The following UBE2V2 variants were observed in gnomAD, a reference collection of about 807,000 sequenced individuals.
UBE2V2 encodes ubiquitin-conjugating enzyme E2 variant 2.
UBE2V2 carries 9 observed loss-of-function variants against 17.2 expected under a neutral mutation model. The ratio of observed to expected loss-of-function variants is 0.52; its 90% CI spans 0.32 to 0.91. The LOEUF is 0.91. Ranked by LOEUF, UBE2V2 falls within the 40% of genes least tolerant of loss-of-function variation. The probability of loss-of-function intolerance (pLI) is 0.04; values close to 1 mark genes in which losing one functional copy is unlikely to be tolerated. For synonymous variants in UBE2V2, 61 were observed against 57.5 expected, an observed-to-expected ratio of 1.06 and a Z score of -0.28; for missense variants, 133 against 182.6, an observed-to-expected ratio of 0.73 and a Z score of 1.56.
chr8:48,011,210 C>T (rs188143968), intron 1 of UBE2V2, among the ~76,000 whole-genome samples: 21 of 152,236 alleles, frequency 1.4e-4, no homozygotes, highest in Non-Finnish European at 3.1e-4. Context: ...CCTTGTTGCT[C>T]AGGCTGGAGT....
At chr8:48,030,720 CAAAA>C (rs1415880846) in intron 1 of UBE2V2, among the ~76,000 whole-genome samples, 1 of 151,022 alleles carries the variant, frequency 6.6e-6, no homozygotes, top group Non-Finnish European at 1.5e-5. Context: ...GTCTCAAAAA[CAAAA>C]AACAAAACAA....
intron 1 of UBE2V2, among the ~76,000 whole-genome samples, chr8:48,013,816 A>G (rs996003092): frequency 2.6e-5 from 4 of 152,194 alleles, no homozygotes; most frequent in African/African-American, 4.8e-5. Context: ...GTAGCATTGT[A>G]TATACTGGAA....
intron 1 of UBE2V2, among the ~76,000 whole-genome samples, chr8:48,010,204 T>G (rs1448087159): frequency 6.6e-6 from 1 of 151,926 alleles, no homozygotes; most frequent in Non-Finnish European, 1.5e-5. Context: ...AGATTACTGA[T>G]AAATTATTAG....
intron 1 of UBE2V2, among the ~76,000 whole-genome samples, chr8:48,017,094 T>C (rs1257949471): frequency 6.6e-6 from 1 of 151,950 alleles, no homozygotes; most frequent in Non-Finnish European, 1.5e-5. Flanking sequence ...CTTGGCCTCA[T>C]CTTTCATCCT....
the UBE2V2 span, among the ~76,000 whole-genome samples, chr8:48,001,307 C>G: frequency 6.6e-6 from 1 of 152,114 alleles, no homozygotes; most frequent in Non-Finnish European, 1.5e-5. Flanking sequence ...GCCTCCTGAC[C>G]AAACCTACTA....
At chr8:48,046,709 A>C (rs1275139056) in intron 2 of UBE2V2, among the ~76,000 whole-genome samples, 1 of 151,746 alleles carries the variant, frequency 6.6e-6, no homozygotes, top group Non-Finnish European at 1.5e-5. Flanking sequence ...CAATCCTCCC[A>C]CCTTAGCCTT....
At chr8:48,057,724 C>T (rs1441588940) in intron 3 of UBE2V2, among the ~76,000 whole-genome samples, 2 of 151,934 alleles carry the variant, frequency 1.3e-5, no homozygotes, top group East Asian at 1.9e-4. Context: ...TTTCAGTGCA[C>T]AAGTTTTACA....
intron 1 of UBE2V2, among the ~76,000 whole-genome samples, chr8:48,016,383 A>G (rs1314911816): frequency 6.6e-6 from 1 of 152,114 alleles, no homozygotes. Context: ...GAGGAACTCC[A>G]TACTCTTCTT....
At chr8:48,035,309 C>T (rs972961471) in intron 1 of UBE2V2, among the ~76,000 whole-genome samples, 14 of 151,554 alleles carry the variant, frequency 9.2e-5, no homozygotes, top group Middle Eastern at 3.4e-3. Flanking sequence ...TTAGTAGAGA[C>T]GGGGTTTCAC....
chr8:48,055,823 G>GGCA (rs1435808800), intron 3 of UBE2V2, among the ~76,000 whole-genome samples: 5 of 149,496 alleles, frequency 3.3e-5, no homozygotes, highest in Non-Finnish European at 7.4e-5. Context: ...GGAGTGCAAT[G>GGCA]GCTTGGCTCA....
chr8:48,008,729 C>T (rs868575117), intron 1 of UBE2V2, among the ~76,000 whole-genome samples: 33 of 151,040 alleles, frequency 2.2e-4, no homozygotes, highest in Middle Eastern at 6.8e-3. Context: ...GCGGGCGCCC[C>T]CGTAGGTTCC....
chr8:48,004,137 T>C (rs998216492), upstream of UBE2V2, among the ~76,000 whole-genome samples: 1 of 152,152 alleles, frequency 6.6e-6, no homozygotes, highest in Admixed American at 6.6e-5. Context: ...CTTCAGATAA[T>C]CATTACTGGC....
Position 48,009,945 on chromosome 8 carries a change from C to T in UBE2V2, c.16+1475C>T, listed in dbSNP as rs920287453. 2.6e-5 allele frequency among the ~76,000 whole-genome samples: 4 copies of T among 152,180 alleles called. No individual in the cohort carries two copies. In the South Asian group the frequency reaches 8.3e-4, roughly 32 times the overall value. On this transcript the variant is annotated intron_variant, in intron 1 of 3. Coordinates refer to ENST00000523111, the MANE Select transcript of UBE2V2 (RefSeq NM_003350.3). ...TCTAATCTGTGCTCGTTAACGGGGC[C>T]ATATCTTTATAACAGTTGTGCTTAG...
At chr8:48,033,660 CT>C (rs2091399999) in intron 1 of UBE2V2, among the ~76,000 whole-genome samples, 3 of 151,956 alleles carry the variant, frequency 2.0e-5, no homozygotes, top group African/African-American at 7.2e-5. Flanking sequence ...ATAGCAAACT[CT>C]TATTAAAAGT....
intron 1 of UBE2V2, among the ~76,000 whole-genome samples, chr8:48,031,226 C>G (rs2091380989): frequency 2.4e-3 from 1 of 410 alleles, no homozygotes; most frequent in African/African-American, 9.4e-3. Flanking sequence ...ACAAACAAAC[C>G]CCCCCCAACA....
At position 48,059,182 on chromosome 8, in the gene UBE2V2, G is replaced by A. The variant is rs185274644; in HGVS notation, c.292-1500G>A. 5.0e-3 allele frequency among the ~76,000 whole-genome samples: 763 copies of A among 152,000 alleles called. 8 individuals are homozygous for A. Among genetic ancestry groups the A allele is most frequent in the African/African-American group, 0.017 (719 of 41,460 alleles). On this transcript the variant is annotated intron_variant, in intron 3 of 3. Coordinates refer to ENST00000523111, the MANE Select transcript of UBE2V2 (RefSeq NM_003350.3). The stretch of plus-strand genomic sequence containing the variant: ...ACTCCTGAACTCAGGCAATCCGCCC[G>A]CCTCGGCCTCCCAAAGTGCTAGGAT...
chr8:48,041,066 G>T (rs555998893), intron 1 of UBE2V2, among the ~76,000 whole-genome samples: 4 of 151,008 alleles, frequency 2.6e-5, no homozygotes, highest in African/African-American at 9.7e-5. Flanking sequence ...GGGTTTCACC[G>T]TGTTAGCCAG....
At chr8:48,026,262 T>C (rs1405930761) in intron 1 of UBE2V2, among the ~76,000 whole-genome samples, 3 of 152,152 alleles carry the variant, frequency 2.0e-5, no homozygotes, top group African/African-American at 4.8e-5. Flanking sequence ...CTAGGGCTTA[T>C]GAAGTGGTTA....
intron 3 of UBE2V2, among the ~76,000 whole-genome samples, chr8:48,053,233 C>A (rs1238134855): frequency 1.3e-5 from 2 of 151,868 alleles, no homozygotes; most frequent in African/African-American, 4.8e-5. Flanking sequence ...GAATTATGTC[C>A]CTTCTATTGC....
Sources: allele counts gnomAD v4.1 joint callset (sites outside exome capture counted in the v4.1 genomes callset), GRCh38; gene constraint gnomAD v4.1.1; transcripts MANE v1.5; gene names NCBI Gene and HGNC (gene_info 2026-07-23, HGNC 2026-07-21).